TAF1: variants seen among roughly 807,000 people sequenced by gnomAD.
TAF1 encodes the protein TATA-box binding protein associated factor 1.
A neutral mutation model predicts 138.5 loss-of-function variants in TAF1; 2 were observed. The observed-to-expected ratio is 0.01, with a 90% CI of 0.01 to 0.05. The LOEUF (loss-of-function observed/expected upper bound fraction) is 0.05. Among genes scored for constraint, TAF1 ranks in the 10% least tolerant of loss-of-function variants. TAF1 has a pLI of 1.00. For synonymous variants in TAF1, 437 were observed against 503.2 expected (o/e 0.87, Z 1.76); for missense variants, 709 against 1,478.0 (o/e 0.48, Z 8.53).
chrX:71,366,882 G>A (rs921248379), intron 1 of TAF1, among the ~76,000 whole-genome samples: 8 of 111,568 alleles, frequency 7.2e-5, no homozygotes, highest in Non-Finnish European at 1.3e-4. Context: ...AGAGCCAGAG[G>A]ACTGGACAGG....
At chrX:71,466,938 T>C (rs2038772237), downstream of TAF1, among the ~76,000 whole-genome samples, 1 of 110,262 alleles carries the variant, frequency 9.1e-6, no homozygotes, top group South Asian at 3.9e-4. Flanking sequence ...GCAATAAATA[T>C]TTACAAGAAT....
intron 13 of TAF1, among the ~76,000 whole-genome samples, chrX:71,495,716 GGATAATGAAGTA>G (rs1161289413): frequency 2.7e-5 from 3 of 111,368 alleles, no homozygotes; most frequent in Non-Finnish European, 5.6e-5. Flanking sequence ...TGTGGTAGTA[GGATAATGAAGTA>G]GATAATGAAG....
At position 71,392,664 on chromosome X, in the gene TAF1, G is replaced by A. The variant is rs1423253077; in HGVS notation, c.2877G>A (p.Gly959=). 3 of 1,208,798 alleles carry A rather than the reference G, an allele frequency of 2.5e-6. No homozygotes were observed. The highest frequency in any genetic ancestry group is 1.8e-5 in the South Asian group (1 of 56,152). The change falls in exon 19 of 38, where the codon GGG becomes GGA. Residue 959 remains glycine (G), a synonymous_variant. Transcript: ENST00000423759. ...TGACTGGGGTGGCAGATCCCACGGG[G>A]TGTGGTGAAGGATTCTCCTATGTGA... ...LEVTGVADPT[G]CGEGFSYVKI... is the part of the protein sequence containing the mutation.
intron 32 of TAF1, among the ~76,000 whole-genome samples, chrX:71,434,831 G>A (rs989492610): frequency 1.1e-4 from 12 of 112,559 alleles, no homozygotes; most frequent in African/African-American, 2.9e-4. Context: ...CAAAAGGACC[G>A]CAACAGTTAA....
intron 13 of TAF1, among the ~76,000 whole-genome samples, chrX:71,495,601 G>A (rs986630948): frequency 8.9e-6 from 1 of 112,142 alleles, no homozygotes; most frequent in African/African-American, 3.2e-5. Context: ...TCTAGGCCTC[G>A]ACAGTTTTGG....
At position 71,388,024 on chromosome X, in the gene TAF1, C is replaced by T. The variant is rs1006053361; in HGVS notation, c.2428-213C>T. Among the ~76,000 whole-genome samples the T allele has an allele frequency of 7.2e-5, 8 of 111,416 alleles. No homozygotes were observed. The East Asian group carries it at 1.1e-3, about 16-fold the overall frequency. The stretch of plus-strand genomic sequence containing the variant: ...CTGAGGCAGGAAAATCACTGGAGCC[C>T]GGGAGGCAGAGGTTGCAGTGAGCTG... On this transcript the variant is annotated intron_variant, in intron 15 of 37. Transcript: ENST00000423759.
chrX:71,373,579 ATGT>A (rs2033251801), intron 3 of TAF1, among the ~76,000 whole-genome samples: 1 of 111,988 alleles, frequency 8.9e-6, no homozygotes, highest in African/African-American at 3.2e-5. Context: ...TATGGATGTG[ATGT>A]TGATAGGGAA....
chrX:71,452,164 C>T (rs1235038596), intron 32 of TAF1, among the ~76,000 whole-genome samples: 1 of 107,837 alleles, frequency 9.3e-6, no homozygotes, highest in Non-Finnish European at 1.9e-5. Flanking sequence ...GGGGGCTGAC[C>T]CCCCCACCTC....
At position 71,465,092 on chromosome X, in the gene TAF1, T is replaced by G. The variant is rs369241087; in HGVS notation, c.*1046T>G. 2.7e-5 allele frequency: 3 copies of G among 110,626 alleles called. No individual in the cohort carries two copies. In the East Asian group the frequency reaches 8.5e-4, roughly 31 times the overall value. The allele number at this position is 110,626 out of a possible 1,213,427, so 9.1% of individuals were successfully genotyped here. A position where few individuals can be genotyped will look rare whatever the true frequency, so the allele number is the denominator to read the frequency against. ...GTGCATAGTAGGTACTCAGTAAATG[T>G]TCCTAGAATCATAAAATCCTCAACA... On this transcript the variant is annotated 3_prime_UTR_variant, in exon 38 of 38. Transcript: ENST00000423759.
intron 13 of TAF1, among the ~76,000 whole-genome samples, chrX:71,475,803 A>G (rs1334484847): frequency 3.6e-5 from 4 of 110,760 alleles, no homozygotes; most frequent in Non-Finnish European, 5.7e-5. Context: ...GTGATCCCCA[A>G]TGTTGGAAGT....
intron 28 of TAF1, chrX:71,420,244 C>T (rs1489644762): frequency 3.4e-6 from 3 of 870,926 alleles, no homozygotes; most frequent in East Asian, 6.4e-5. Flanking sequence ...GTGCTGATTC[C>T]TGGTCTGTTG....
chrX:71,478,072 CAT>C (rs916321327), intron 13 of TAF1, among the ~76,000 whole-genome samples: 1 of 111,127 alleles, frequency 9.0e-6, no homozygotes, highest in African/African-American at 3.3e-5. Flanking sequence ...GTTTCCAATT[CAT>C]ATAACTGATA....
At chrX:71,468,165 G>A (rs973690978), downstream of TAF1, among the ~76,000 whole-genome samples, 1 of 109,951 alleles carries the variant, frequency 9.1e-6, no homozygotes, top group African/African-American at 3.3e-5. Flanking sequence ...GCTGAGGTGG[G>A]AGGATCGCTT....
At position 71,503,853 on chromosome X, in the gene TAF1, C is replaced by CT. The variant is rs200696173; in HGVS notation, c.1367-24681dup. On this transcript the variant is annotated intron_variant and NMD_transcript_variant, in intron 13 of 14. Transcript: ENST00000373775. ...TATAATTTCACCCATTAAAAGGACA[C>CT]TTTTTTTTCCTTTTCTTTTTCTTCT... Among the ~76,000 whole-genome samples, 851 of 110,320 alleles carry CT rather than the reference C, an allele frequency of 7.7e-3. 8 individuals carry two copies. Among genetic ancestry groups the CT allele is most frequent in the African/African-American group, 0.027 (811 of 30,351 alleles).
intron 13 of TAF1, among the ~76,000 whole-genome samples, chrX:71,494,071 G>A (rs1002781163): frequency 9.0e-6 from 1 of 111,596 alleles, no homozygotes; most frequent in Non-Finnish European, 1.9e-5. Flanking sequence ...GGCCTCAGGC[G>A]GTACAGGACT....
rs1569262944 is a variant in TAF1, at chrX:71,367,631, G to A, written c.235+18G>A. 1.7e-6 allele frequency: 2 copies of A among 1,203,877 alleles called. No individual in the cohort carries two copies. The highest frequency in any genetic ancestry group is 1.7e-5 in the African/African-American group (1 of 57,529). On this transcript the variant is annotated intron_variant, in intron 2 of 37. Transcript: ENST00000423759. The stretch of plus-strand genomic sequence containing the variant: ...TGATGAAGGTGAAGTCTGGGTTGTG[G>A]GGAGTAGGCGGGGGAGGAGGCTAGC...
At chrX:71,406,389 G>A (rs1038096610) in intron 25 of TAF1, among the ~76,000 whole-genome samples, 1 of 108,335 alleles carries the variant, frequency 9.2e-6, no homozygotes, top group African/African-American at 3.4e-5. Context: ...TCTTTAGTCT[G>A]GTTTCCTTAT....
In TAF1 at chrX:71,411,610, C is replaced by T. The variant is rs1418853689; in HGVS notation, c.4384+3459C>T. Among the ~76,000 whole-genome samples, 4 of 112,903 alleles carry T rather than the reference C, an allele frequency of 3.5e-5. No individual in the cohort carries two copies. The East Asian group carries it at 1.1e-3, about 31-fold the overall frequency. On this transcript the variant is annotated intron_variant, in intron 28 of 37. Coordinates refer to ENST00000423759, the MANE Select transcript of TAF1 (RefSeq NM_004606.5). ...CACTTACTGTTTATGCCTCACAACC[C>T]TGCACTTGTCTTCTGCTGAAGTACC... is the stretch of plus-strand genomic sequence containing the variant.
chrX:71,501,948 T>C (rs1007894493), intron 13 of TAF1, among the ~76,000 whole-genome samples: 3 of 111,602 alleles, frequency 2.7e-5, no homozygotes, highest in Non-Finnish European at 3.8e-5. Context: ...TTCTGGTGGG[T>C]TCTTGGTCTC....
Sources: allele counts gnomAD v4.1 joint callset (sites outside exome capture counted in the v4.1 genomes callset), GRCh38; gene constraint gnomAD v4.1.1; transcripts MANE v1.5; gene names NCBI Gene and HGNC (gene_info 2026-07-23, HGNC 2026-07-21).